Variants in COG6 observed in about 807,000 individuals in gnomAD.
COG6 encodes component of oligomeric golgi complex 6, also known as conserved oligomeric Golgi complex subunit 6.
In COG6, 74 loss-of-function variants were observed where a neutral mutation model predicts 88.8. The observed-to-expected ratio is 0.83, with a 90% CI of 0.69 to 1.01. The LOEUF is 1.01. Ranked by LOEUF, COG6 falls within the 50% of genes least tolerant of loss-of-function variation. The probability of loss-of-function intolerance (pLI) is 0.00; values close to 1 mark genes in which losing one functional copy is unlikely to be tolerated. For missense variants in COG6, 800 were observed against 797.9 expected, an observed-to-expected ratio of 1.00 and a Z score of -0.03; for synonymous variants, 286 against 278.7, an observed-to-expected ratio of 1.03 and a Z score of -0.26.
At chr13:39,782,622 G>T (rs1433249331) in intron 18 of COG6, among the ~76,000 whole-genome samples, 1 of 152,150 alleles carries the variant, frequency 6.6e-6, no homozygotes, top group African/African-American at 2.4e-5. Context: ...AAATGAAAAT[G>T]AGAGCTACAC....
intron 18 of COG6, among the ~76,000 whole-genome samples, chr13:39,778,948 G>A (rs1366928569): frequency 2.0e-5 from 3 of 152,212 alleles, no homozygotes; most frequent in Non-Finnish European, 2.9e-5. Flanking sequence ...AGCCTAAGAA[G>A]CATATGCCCT....
chr13:39,678,076 T>G, intron 5 of COG6: 1 of 419,958 alleles, frequency 2.4e-6, no homozygotes, highest in Non-Finnish European at 4.7e-6. Context: ...TTTCTTTTCC[T>G]TTTTTTTTGA....
intron 3 of COG6, among the ~76,000 whole-genome samples, chr13:39,662,168 A>T (rs538889466): frequency 6.9e-4 from 98 of 142,686 alleles, no homozygotes; most frequent in African/African-American, 2.3e-3. Context: ...TTTGAGACAG[A>T]GTCTCGCTGT....
At chr13:39,692,351 C>T (rs2138017672) in intron 11 of COG6, among the ~76,000 whole-genome samples, 1 of 151,790 alleles carries the variant, frequency 6.6e-6, no homozygotes, top group Middle Eastern at 3.4e-3. Context: ...GAGAGATTAC[C>T]AGCTATCATT....
intron 18 of COG6, among the ~76,000 whole-genome samples, chr13:39,749,958 A>G (rs914296114): frequency 6.6e-6 from 1 of 152,144 alleles, no homozygotes; most frequent in Non-Finnish European, 1.5e-5. Flanking sequence ...TGAATATTGA[A>G]GAGACTGAAA....
chr13:39,701,160 G>C (rs1877557129), intron 13 of COG6, among the ~76,000 whole-genome samples: 1 of 151,792 alleles, frequency 6.6e-6, no homozygotes. Context: ...TTCATGAAGG[G>C]TAAAGGTAAA....
At position 39,660,684 on chromosome 13, in the gene COG6, G is replaced by A. The variant is rs964536933; in HGVS notation, c.298-126G>A. 40 of 662,306 alleles carry A rather than the reference G, an allele frequency of 6.0e-5. No individual in the cohort carries two copies. In the African/African-American group the frequency reaches 6.6e-4, roughly 11 times the overall value. 41.0% of individuals were successfully genotyped at this position (662,306 alleles called of 1,614,324 possible). ...TAATCATTTCCAATTTTAAATATGG[G>A]ATCTCTTGTCATGCCTTGACCAAAA... is the stretch of plus-strand genomic sequence containing the variant. On this transcript the variant is annotated intron_variant, in intron 2 of 18. Transcript: ENST00000455146.
At position 39,655,838 on chromosome 13, in the gene COG6, A is replaced by T. The variant is rs794726950; in HGVS notation, c.112A>T (p.Lys38Ter). ...GACGACCTGCAACCCGCTGTCGCGC[A>T]AGCTGCATAAGATCCTGGAGACGCG... is the stretch of plus-strand genomic sequence containing the variant. ...SATTCNPLSR[K>*]LHKILETRLD... The change falls in exon 1 of 19, where the codon AAG (lysine) becomes TAG (stop). Residue 38 changes from lysine (K) to a stop codon, truncating the protein, a stop_gained. Coordinates refer to ENST00000455146, the MANE Select transcript of COG6 (RefSeq NM_020751.3). LOFTEE classifies it high-confidence loss of function. The T allele has an allele frequency of 1.9e-6, 3 of 1,605,766 alleles. No individual in the cohort carries two copies. Among genetic ancestry groups the T allele is most frequent in the Non-Finnish European group, 2.5e-6 (3 of 1,176,974 alleles).
chr13:39,670,222 G>A (rs1875541294), intron 4 of COG6, among the ~76,000 whole-genome samples: 1 of 152,140 alleles, frequency 6.6e-6, no homozygotes, highest in African/African-American at 2.4e-5. Context: ...GTAGTCAGAC[G>A]ATGGGCTTCA....
rs922129932 is a variant in COG6 at position 39,751,048 on chromosome 13, C to T, written c.1929C>T (p.Asn643=). ...NPINEYKDPE[N]ILHRSPQQVQ... Reference sequence around the variant, plus strand: ...TCAATGAATACAAAGATCCAGAGAACATTCTTCACCGATCGCCGCAGCAAG... The same window carrying T: ...TCAATGAATACAAAGATCCAGAGAATATTCTTCACCGATCGCCGCAGCAAG... Residue 643 remains asparagine, a synonymous_variant, in exon 19 of 19, where the codon AAC becomes AAT. Coordinates refer to ENST00000455146, the MANE Select transcript of COG6 (RefSeq NM_020751.3). 8 of 1,613,688 alleles carry T rather than the reference C, an allele frequency of 5.0e-6. No homozygotes were observed. The highest frequency in any genetic ancestry group is 1.3e-5 in the African/African-American group (1 of 75,002).
intron 18 of COG6, among the ~76,000 whole-genome samples, chr13:39,778,773 C>T (rs954081643): frequency 2.0e-5 from 3 of 152,332 alleles, no homozygotes; most frequent in Non-Finnish European, 4.4e-5. Context: ...GGAGCCACTG[C>T]CAGGGTGGCT....
intron 18 of COG6, among the ~76,000 whole-genome samples, chr13:39,737,876 G>A (rs1879845905): frequency 6.6e-6 from 1 of 152,126 alleles, no homozygotes; most frequent in South Asian, 2.1e-4. Context: ...TGGTCTAAAT[G>A]CTCCCTCTGT....
chr13:39,780,741 T>C (rs1881604592), intron 18 of COG6, among the ~76,000 whole-genome samples: 1 of 152,192 alleles, frequency 6.6e-6, no homozygotes, highest in African/African-American at 2.4e-5. Flanking sequence ...ATATGAGCCA[T>C]TTAATTTCCC....
chr13:39,786,767 T>A (rs886369206), intron 18 of COG6, among the ~76,000 whole-genome samples: 7 of 152,196 alleles, frequency 4.6e-5, no homozygotes, highest in African/African-American at 1.4e-4. Flanking sequence ...ACAGCAACCC[T>A]ATTAACTCAT....
In COG6 at chr13:39,788,282, A is replaced by C. The variant is rs1881834730; in HGVS notation, c.1827-53A>C. The stretch of plus-strand genomic sequence containing the variant: ...TGCAGGAATGTGAGGTATTCAAAGC[A>C]GGAAACTGCACCATCAGCAACATTG... On this transcript the variant is annotated intron_variant, in intron 18 of 18. Transcript: ENST00000416691. The C allele has an allele frequency of 1.0e-5, 16 of 1,541,528 alleles. No individual in the cohort carries two copies. The South Asian group carries it at 1.9e-4, about 18-fold the overall frequency.
intron 18 of COG6, among the ~76,000 whole-genome samples, chr13:39,761,526 G>C (rs186586188): frequency 2.1e-3 from 323 of 151,960 alleles, no homozygotes; most frequent in Admixed American, 3.7e-3. Context: ...AGCAAAAATG[G>C]ACAAATAGGA....
chr13:39,731,742 CT>C (rs1207084061), intron 18 of COG6, among the ~76,000 whole-genome samples: 5 of 151,712 alleles, frequency 3.3e-5, no homozygotes, highest in South Asian at 2.1e-4. Context: ...AAATTGAACA[CT>C]TTTTTTTCTT....
At position 39,682,173 on chromosome 13, in the gene COG6, G is replaced by A. The variant is rs745501973; in HGVS notation, c.697G>A (p.Glu233Lys). The A allele has an allele frequency of 2.7e-5, 44 of 1,602,954 alleles. 1 individual carries two copies. Among genetic ancestry groups the A allele is most frequent in the Non-Finnish European group, 2.9e-5 (34 of 1,170,200 alleles). Residue 233 changes from glutamate (E) to lysine (K), a missense_variant and splice_region_variant, in exon 8 of 19, where the codon GAA (glutamate) becomes AAA (lysine). By Grantham distance (56) the Glu-to-Lys change is moderately conservative. Transcript: ENST00000455146. ...YERLYRWAQSECRTLTQESCD... is the reference protein window; with the variant it reads ...YERLYRWAQSKCRTLTQESCD... ...TTATAATGTTAATTATTTTTCAGGT[G>A]AATGCAGAACATTGACACAAGAATC...
chr13:39,751,389 G>A lies in COG6; in HGVS notation c.*296G>A. On this transcript the variant is annotated 3_prime_UTR_variant, in exon 19 of 19. Coordinates refer to ENST00000455146, the MANE Select transcript of COG6 (RefSeq NM_020751.3). ...TCAGGAAGCATAAAGTAGTATGAAA[G>A]GTTTGAAGAATTTTTTTTTACAAGA... 1 of 1,356,368 alleles carries A rather than the reference G, an allele frequency of 7.4e-7. No homozygotes were observed. The highest frequency in any genetic ancestry group is 2.9e-4 in the Middle Eastern group (1 of 3,490). 84.0% of individuals were successfully genotyped at this position (1,356,368 alleles called of 1,614,324 possible).
Sources: allele counts gnomAD v4.1 joint callset (sites outside exome capture counted in the v4.1 genomes callset), GRCh38; gene constraint gnomAD v4.1.1; transcripts MANE v1.5; gene names NCBI Gene and HGNC (gene_info 2026-07-23, HGNC 2026-07-21).